IL18R1: variants seen among roughly 807,000 people sequenced by gnomAD.
IL18R1 encodes interleukin 18 receptor 1.
IL18R1 carries 40 observed loss-of-function variants against 48.5 expected under a neutral mutation model. That is an observed-to-expected ratio of 0.82 (90% CI 0.64 to 1.07). IL18R1 has a LOEUF of 1.07. IL18R1 is among the 50% of genes least tolerant of loss of function. The pLI, the probability that IL18R1 is intolerant of heterozygous loss-of-function variation, is 0.00. For missense variants in IL18R1, 596 were observed against 633.7 expected, an observed-to-expected ratio of 0.94 and a Z score of 0.64; for synonymous variants, 232 against 225.9, an observed-to-expected ratio of 1.03 and a Z score of -0.24.
At chr2:102,392,396 C>T (rs949807994) in intron 9 of IL18R1, among the ~76,000 whole-genome samples, 2 of 152,138 alleles carry the variant, frequency 1.3e-5, no homozygotes, top group Non-Finnish European at 2.9e-5. Context: ...CTTTCTGGAG[C>T]TAAGATTTCT....
chr2:102,357,183 AG>A (rs1329017913), intron 1 of IL18R1, among the ~76,000 whole-genome samples: 1 of 152,126 alleles, frequency 6.6e-6, no homozygotes, highest in Non-Finnish European at 1.5e-5. Context: ...ATACATCCAA[AG>A]GCTGAGAACT....
intron 6 of IL18R1, among the ~76,000 whole-genome samples, chr2:102,384,133 A>T (rs1378282075): frequency 1.3e-5 from 2 of 152,068 alleles, no homozygotes; most frequent in Non-Finnish European, 2.9e-5. Context: ...GGTGGCTGGG[A>T]TGTAGGTATG....
At chr2:102,374,823 A>G (rs1290955459) in intron 4 of IL18R1, among the ~76,000 whole-genome samples, 1 of 152,086 alleles carries the variant, frequency 6.6e-6, no homozygotes, top group Non-Finnish European at 1.5e-5. Flanking sequence ...TTAAATTATG[A>G]GCATTGGTGC....
intron 10 of IL18R1, 58 bp from the exon 11 acceptor site, chr2:102,396,473 A>G (rs1021324799): frequency 9.7e-7 from 1 of 1,027,156 alleles, no homozygotes; most frequent in African/African-American, 1.6e-5. Flanking sequence ...AATGACTTTT[A>G]TCTCATGTTC....
Position 102,357,669 on chromosome 2 carries a change from C to T in IL18R1, c.-29+1269C>T, listed in dbSNP as rs12999364. Among the ~76,000 whole-genome samples, 47,996 of 151,770 alleles carry T rather than the reference C, an allele frequency of 0.32. 8,367 individuals are homozygous for T. Among genetic ancestry groups the T allele is most frequent in the Middle Eastern group, 0.52 (154 of 294 alleles). On this transcript the variant is annotated intron_variant, in intron 1 of 10. Transcript: ENST00000233957. The stretch of plus-strand genomic sequence containing the variant: ...GAGAGCTTCCTTGAGAAGGCAAATA[C>T]TGAGCCAAGTTGAAAGGACTCTAGG...
intron 5 of IL18R1, among the ~76,000 whole-genome samples, chr2:102,376,554 G>A (rs1679596699): frequency 6.6e-6 from 1 of 152,168 alleles, no homozygotes. Flanking sequence ...GAGTGCAGGG[G>A]GAGGTTGGAG....
At position 102,359,365 on chromosome 2, in the gene IL18R1, A is replaced by C. The variant is rs369862347; in HGVS notation, c.-29+2965A>C. On this transcript the variant is annotated intron_variant, in intron 1 of 10. Coordinates refer to ENST00000233957, the MANE Select transcript of IL18R1 (RefSeq NM_003855.5). The stretch of plus-strand genomic sequence containing the variant: ...CCACCAACAGGAAAGGATATTCTAC[A>C]CTTAAAAGCAATGAAAACATCTCAA... 1.5e-4 allele frequency among the ~76,000 whole-genome samples: 23 copies of C among 152,346 alleles called. No homozygotes were observed. The South Asian group carries it at 4.4e-3, about 29-fold the overall frequency.
chr2:102,356,418 T>G lies in IL18R1; in HGVS notation c.-29+18T>G. 1 of 880,774 alleles carries G rather than the reference T, an allele frequency of 1.1e-6. No homozygotes were observed. The highest frequency in any genetic ancestry group is 1.4e-6 in the Non-Finnish European group (1 of 734,276). The allele number at this position is 880,774 out of a possible 1,614,324, so 54.6% of individuals were successfully genotyped here. A position where few individuals can be genotyped will look rare whatever the true frequency, so the allele number is the denominator to read the frequency against. ...CTCTGAAGGTAAGGGTGGGCTCCGC[T>G]GCCACCCGCATCCCCTCCCCACCCC... On this transcript the variant is annotated intron_variant, in intron 1 of 10. Coordinates refer to ENST00000233957, the MANE Select transcript of IL18R1 (RefSeq NM_003855.5).
intron 2 of IL18R1, among the ~76,000 whole-genome samples, chr2:102,363,305 TATTA>T (rs1326107990): frequency 6.6e-6 from 1 of 151,850 alleles, no homozygotes; most frequent in Non-Finnish European, 1.5e-5. Context: ...GGAGCACAAA[TATTA>T]ATTTGCCTTG....
At position 102,362,637 on chromosome 2, in the gene IL18R1, G is replaced by A; in HGVS notation, c.-24G>A. On this transcript the variant is annotated 5_prime_UTR_variant, in exon 2 of 11. Coordinates refer to ENST00000233957, the MANE Select transcript of IL18R1 (RefSeq NM_003855.5). ...CTGTTTTATTCTGTTTTCCAGAGAA[G>A]CCATTTGAAGCAGAATCCAAACCAT... 6.3e-7 allele frequency: 1 copy of A among 1,593,532 alleles called. No homozygotes were observed. The highest frequency in any genetic ancestry group is 2.2e-5 in the East Asian group (1 of 44,450).
At chr2:102,378,749 G>A (rs117696218) in intron 5 of IL18R1, among the ~76,000 whole-genome samples, 2 of 152,326 alleles carry the variant, frequency 1.3e-5, no homozygotes, top group East Asian at 3.9e-4. Flanking sequence ...TTACATGCCT[G>A]TTGTGTGCAT....
chr2:102,382,284 A>G (rs1407178595), intron 6 of IL18R1, among the ~76,000 whole-genome samples: 3 of 152,084 alleles, frequency 2.0e-5, no homozygotes, highest in Non-Finnish European at 4.4e-5. Context: ...AAATAATAAT[A>G]ATAATAACAA....
At chr2:102,388,115 C>G (rs777780961) in intron 8 of IL18R1, among the ~76,000 whole-genome samples, 3 of 152,064 alleles carry the variant, frequency 2.0e-5, no homozygotes, top group Admixed American at 2.0e-4. Context: ...TTGTGAGAAA[C>G]GGAAGGAGTG....
intron 3 of IL18R1, among the ~76,000 whole-genome samples, chr2:102,370,058 C>T (rs750344290): frequency 2.2e-4 from 34 of 152,166 alleles, no homozygotes; most frequent in Non-Finnish European, 3.7e-4. Context: ...CCCCTGGTGT[C>T]TGTGGACAAA....
intron 4 of IL18R1, among the ~76,000 whole-genome samples, chr2:102,372,395 C>T (rs550665530): frequency 3.3e-5 from 5 of 152,270 alleles, no homozygotes; most frequent in East Asian, 3.9e-4. Flanking sequence ...CCTTCTCTTT[C>T]GATAAGTTAG....
intron 4 of IL18R1, among the ~76,000 whole-genome samples, chr2:102,374,990 A>C (rs950744233): frequency 6.6e-6 from 1 of 152,206 alleles, no homozygotes; most frequent in African/African-American, 2.4e-5. Context: ...GCTTGAAAAA[A>C]TTAGTTTGGC....
At chr2:102,394,651 A>G in intron 10 of IL18R1, 24 bp downstream of exon 10, 1 of 1,567,212 alleles carries the variant, frequency 6.4e-7, no homozygotes, top group Non-Finnish European at 8.7e-7. Flanking sequence ...CCAGATAGAA[A>G]AATATTCAAG....
At chr2:102,390,029 C>T in intron 8 of IL18R1, 27 bp from the exon 9 acceptor site, 2 of 1,610,696 alleles carry the variant, frequency 1.2e-6, no homozygotes, top group African/African-American at 1.3e-5. Flanking sequence ...TGATTATTTT[C>T]TTTTCCTTTT....
intron 6 of IL18R1, among the ~76,000 whole-genome samples, chr2:102,383,360 G>C (rs1680026855): frequency 6.6e-6 from 1 of 152,146 alleles, no homozygotes; most frequent in Admixed American, 6.5e-5. Context: ...TTATCTGCTT[G>C]TTCCATGTGT....
Sources: allele counts gnomAD v4.1 joint callset (sites outside exome capture counted in the v4.1 genomes callset), GRCh38; gene constraint gnomAD v4.1.1; transcripts MANE v1.5; gene names NCBI Gene and HGNC (gene_info 2026-07-23, HGNC 2026-07-21).